The following KIZ variants were observed in gnomAD, a reference collection of about 807,000 sequenced individuals.
The protein encoded by KIZ is kizuna centrosomal protein.
A neutral mutation model predicts 79.6 loss-of-function variants in KIZ; 68 were observed. That is an observed-to-expected ratio of 0.85 (90% CI 0.70 to 1.05). The LOEUF (loss-of-function observed/expected upper bound fraction) is 1.05, where lower values mean the gene tolerates loss of function less well. Among genes scored for constraint, KIZ ranks in the 50% least tolerant of loss-of-function variants. KIZ has a pLI of 0.00. For synonymous variants in KIZ, 280 were observed against 281.8 expected (o/e 0.99, Z 0.06); for missense variants, 797 against 800.4 (o/e 1.00, Z 0.05).
intron 6 of KIZ, among the ~76,000 whole-genome samples, chr20:21,175,375 C>T (rs956849852): frequency 1.3e-5 from 2 of 152,208 alleles, no homozygotes; most frequent in Non-Finnish European, 1.5e-5. Flanking sequence ...TAATCGTAGT[C>T]ACAGCCATTG....
intron 11 of KIZ, among the ~76,000 whole-genome samples, chr20:21,241,154 G>A (rs971610257): frequency 6.6e-6 from 1 of 152,094 alleles, no homozygotes; most frequent in Admixed American, 6.5e-5. Flanking sequence ...TACTCTAGTA[G>A]CCAAAGTAGT....
At chr20:21,137,412 C>T (rs2032255908) in intron 3 of KIZ, among the ~76,000 whole-genome samples, 1 of 151,598 alleles carries the variant, frequency 6.6e-6, no homozygotes, top group African/African-American at 2.4e-5. Flanking sequence ...CATCTTAACA[C>T]TGGTCACAGG....
At chr20:21,165,307 A>G (rs1325400733) in intron 6 of KIZ, among the ~76,000 whole-genome samples, 1 of 151,250 alleles carries the variant, frequency 6.6e-6, no homozygotes, top group Non-Finnish European at 1.5e-5. Context: ...GGAAAGAGCA[A>G]ATAGGGTCTG....
chr20:21,191,798 CA>C (rs2035116497), intron 6 of KIZ, among the ~76,000 whole-genome samples: 1 of 148,520 alleles, frequency 6.7e-6, no homozygotes, highest in Non-Finnish European at 1.5e-5. Flanking sequence ...GGTTAACCAA[CA>C]AGTTTGTTTT....
intron 2 of KIZ, among the ~76,000 whole-genome samples, chr20:21,135,691 C>T (rs1027493525): frequency 8.5e-5 from 13 of 152,106 alleles, no homozygotes; most frequent in Admixed American, 3.9e-4. Context: ...GGATTAACAG[C>T]GTTGGTGCCA....
chr20:21,231,380 G>A (rs557739577), intron 10 of KIZ, among the ~76,000 whole-genome samples: 24 of 152,208 alleles, frequency 1.6e-4, no homozygotes, highest in Non-Finnish European at 2.6e-4. Context: ...TAGTCCCTTC[G>A]ATGTGTATCA....
At chr20:21,230,295 C>T (rs1331040991) in intron 10 of KIZ, among the ~76,000 whole-genome samples, 1 of 152,090 alleles carries the variant, frequency 6.6e-6, no homozygotes, top group East Asian at 1.9e-4. Flanking sequence ...GGCAATATAG[C>T]AAGACACTGT....
intron 9 of KIZ, among the ~76,000 whole-genome samples, chr20:21,226,530 G>T (rs191990073): frequency 6.6e-4 from 100 of 152,174 alleles, no homozygotes; most frequent in African/African-American, 2.3e-3. Context: ...AAATAGGGGG[G>T]TGATGCATAG....
chr20:21,134,660 GTTTTTTTTTT>G (rs537989513), intron 2 of KIZ, among the ~76,000 whole-genome samples: 2 of 130,522 alleles, frequency 1.5e-5, no homozygotes, highest in African/African-American at 5.7e-5. Context: ...CATCTTTCAG[GTTTTTTTTTT>G]TTTTTTTTTT....
chr20:21,181,842 CCAAT>C (rs1310116494), intron 6 of KIZ, among the ~76,000 whole-genome samples: 1 of 152,128 alleles, frequency 6.6e-6, no homozygotes, highest in African/African-American at 2.4e-5. Flanking sequence ...CTGTTGGTTG[CCAAT>C]AACAGGAACA....
In KIZ at chr20:21,145,621, A is replaced by C. The variant is rs1300306476; in HGVS notation, c.372A>C (p.Leu124=). Residue 124 remains leucine (L), a synonymous_variant, in exon 4 of 13, where the codon CTA becomes CTC. Transcript: ENST00000619189. ...KMLCSKDSLG[L]KEELTDEDRE... is the part of the protein sequence containing the mutation. ...TATGCTCAAAAGATAGCCTGGGACT[A>C]AAAGAGGAACTGACAGATGAAGACA... 1.3e-6 allele frequency: 2 copies of C among 1,526,746 alleles called. No homozygotes were observed. The highest frequency in any genetic ancestry group is 4.1e-5 in the Admixed American group (2 of 49,174). 94.6% of individuals were successfully genotyped at this position (1,526,746 alleles called of 1,614,324 possible). A position where few individuals can be genotyped will look rare whatever the true frequency, so the allele number is the denominator to read the frequency against.
In KIZ at chr20:21,132,043, T is replaced by A. The variant is rs1377984897; in HGVS notation, c.90-54T>A. On this transcript the variant is annotated intron_variant, in intron 1 of 12. Transcript: ENST00000619189. ...ATTTCAAAGAAGAGCATGGTCTAAA[T>A]CCAACTCCCTGTTACTTATCATGTA... 10 of 786,452 alleles carry A rather than the reference T, an allele frequency of 1.3e-5. No individual in the cohort carries two copies. In the African/African-American group the frequency reaches 1.8e-4, roughly 14 times the overall value. 48.7% of individuals were successfully genotyped at this position (786,452 alleles called of 1,614,324 possible). A position where few individuals can be genotyped will look rare whatever the true frequency, so the allele number is the denominator to read the frequency against.
At position 21,126,126 on chromosome 20, in the gene KIZ, C is replaced by G. The variant is rs907630303; in HGVS notation, c.11C>G (p.Thr4Ser). The change falls in exon 1 of 13, where the codon ACC (threonine) becomes AGC (serine). Residue 4 changes from threonine (T) to serine (S), a missense_variant. Thr to Ser is a moderately conservative substitution (Grantham distance 58, BLOSUM62 1). Coordinates refer to ENST00000619189, the MANE Select transcript of KIZ (RefSeq NM_018474.6). Reference sequence around the variant, plus strand: ...CGCAGCGGCAGCAGCATGAGCCGGACCCTCGCATCGGCCGTGCCCCTGTCG... The same window carrying G: ...CGCAGCGGCAGCAGCATGAGCCGGAGCCTCGCATCGGCCGTGCCCCTGTCG... MSR[T>S]LASAVPLSSP... 2.7e-5 allele frequency: 41 copies of G among 1,515,198 alleles called. No individual in the cohort carries two copies. Among genetic ancestry groups the G allele is most frequent in the Non-Finnish European group, 3.5e-5 (40 of 1,131,886 alleles). The allele number at this position is 1,515,198 out of a possible 1,614,324, so 93.9% of individuals were successfully genotyped here. A position where few individuals can be genotyped will look rare whatever the true frequency, so the allele number is the denominator to read the frequency against.
At chr20:21,137,254 G>A (rs986446496) in intron 3 of KIZ, among the ~76,000 whole-genome samples, 10 of 152,152 alleles carry the variant, frequency 6.6e-5, no homozygotes, top group Non-Finnish European at 1.2e-4. Flanking sequence ...TCTGGTTCTG[G>A]CACCTTTTTC....
chr20:21,188,269 T>A (rs1213420180), intron 6 of KIZ, among the ~76,000 whole-genome samples: 1 of 152,202 alleles, frequency 6.6e-6, no homozygotes, highest in Non-Finnish European at 1.5e-5. Flanking sequence ...GAAGGAACAC[T>A]GCACAGAGAC....
chr20:21,185,631 G>T (rs1027643865), intron 6 of KIZ, among the ~76,000 whole-genome samples: 1 of 151,124 alleles, frequency 6.6e-6, no homozygotes, highest in Non-Finnish European at 1.5e-5. Flanking sequence ...ACAGGGTCTC[G>T]AACTCCTGGC....
At chr20:21,137,804 C>G (rs1243341985) in intron 3 of KIZ, among the ~76,000 whole-genome samples, 1 of 152,076 alleles carries the variant, frequency 6.6e-6, no homozygotes, top group Non-Finnish European at 1.5e-5. Flanking sequence ...TGAGACAGGG[C>G]CTTACCATGT....
At chr20:21,208,684 A>G (rs536898438) in intron 7 of KIZ, among the ~76,000 whole-genome samples, 1 of 152,070 alleles carries the variant, frequency 6.6e-6, no homozygotes, top group South Asian at 2.1e-4. Context: ...CCTGGGGGAC[A>G]GAGCGAGACT....
chr20:21,162,890 C>A lies in KIZ; in HGVS notation c.1083C>A (p.Phe361Leu). The A allele has an allele frequency of 6.2e-7, 1 of 1,613,446 alleles. No individual in the cohort carries two copies. The highest frequency in any genetic ancestry group is 8.5e-7 in the Non-Finnish European group (1 of 1,179,712). Residue 361 changes from phenylalanine (F) to leucine (L), a missense_variant, in exon 6 of 13, where the codon TTC becomes TTA. Coordinates refer to ENST00000619189, the MANE Select transcript of KIZ (RefSeq NM_018474.6). ...GGGAACCAAAGTCACAAAAGCCCTT[C>A]AGAAAAATGCAGGAAGAGGAGGAGG... ...AHREPKSQKP[F>L]RKMQEEEEES... is the part of the protein sequence containing the mutation.
Sources: allele counts gnomAD v4.1 joint callset (sites outside exome capture counted in the v4.1 genomes callset), GRCh38; gene constraint gnomAD v4.1.1; transcripts MANE v1.5; gene names NCBI Gene and HGNC (gene_info 2026-07-23, HGNC 2026-07-21).